The following ATP6V1C2 variants were observed in gnomAD, a reference collection of about 807,000 sequenced individuals.
ATP6V1C2 encodes the protein ATPase H+ transporting V1 subunit C2.
In ATP6V1C2, 45 loss-of-function variants were observed where a neutral mutation model predicts 56.8. The ratio of observed to expected loss-of-function variants is 0.79; its 90% CI spans 0.62 to 1.02. ATP6V1C2 has a LOEUF of 1.02. Ranked by LOEUF, ATP6V1C2 falls within the 50% of genes least tolerant of loss-of-function variation. ATP6V1C2 has a pLI of 0.00. For missense variants in ATP6V1C2, 463 were observed against 519.7 expected (o/e 0.89, Z 1.06); for synonymous variants, 220 against 201.3 (o/e 1.09, Z -0.79).
At position 10,722,824 on chromosome 2, in the gene ATP6V1C2, T is replaced by G; in HGVS notation, c.-26T>G. ...GTATGTTTGTCCTGGTTCTGGGCAG[T>G]CACTGGGTAAGAGAAGACTGGAAGC... On this transcript the variant is annotated splice_region_variant and 5_prime_UTR_variant, in exon 2 of 14. Coordinates refer to ENST00000272238, the MANE Select transcript of ATP6V1C2 (RefSeq NM_001039362.2). 6.2e-7 allele frequency: 1 copy of G among 1,613,292 alleles called. No homozygotes were observed. Among genetic ancestry groups the G allele is most frequent in the Non-Finnish European group, 8.5e-7 (1 of 1,179,626 alleles).
rs750948365 is a variant in ATP6V1C2 at position 10,784,988 on chromosome 2, G to A, written c.*1725G>A. The A allele has an allele frequency of 9.4e-6, 15 of 1,588,958 alleles. No individual in the cohort carries two copies. Among genetic ancestry groups the A allele is most frequent in the African/African-American group, 1.3e-5 (1 of 74,396 alleles). On this transcript the variant is annotated 3_prime_UTR_variant, in exon 14 of 14. Coordinates refer to ENST00000272238, the MANE Select transcript of ATP6V1C2 (RefSeq NM_001039362.2). ...TCTCAACGATGGTAGGGAAAGCCCC[G>A]CCTCCTACAGGTGCCGTGGAGCCAC...
chr2:10,784,826 C>T lies in ATP6V1C2; in HGVS notation c.*1563C>T, dbSNP rs1665627592. 1 of 775,400 alleles carries T rather than the reference C, an allele frequency of 1.3e-6. No homozygotes were observed. The highest frequency in any genetic ancestry group is 2.5e-5 in the Admixed American group (1 of 40,760). The allele number at this position is 775,400 out of a possible 1,614,324, so 48.0% of individuals were successfully genotyped here. ...CCTCTTAAAAGGCCCACGGGTGCAC[C>T]AGGGCTGAGGTCTGATGGGAAGGAC... On this transcript the variant is annotated 3_prime_UTR_variant, in exon 14 of 14. Coordinates refer to ENST00000272238, the MANE Select transcript of ATP6V1C2 (RefSeq NM_001039362.2).
chr2:10,776,112 C>T (rs981377844), intron 10 of ATP6V1C2, among the ~76,000 whole-genome samples: 2 of 134,680 alleles, frequency 1.5e-5, no homozygotes, highest in Admixed American at 7.9e-5. Context: ...CCGTCACAAG[C>T]GAGCCCAGCC....
chr2:10,782,910 G>T (rs1483200494), intron 13 of ATP6V1C2, among the ~76,000 whole-genome samples: 2 of 150,494 alleles, frequency 1.3e-5, no homozygotes, highest in African/African-American at 4.9e-5. Context: ...CTACTTGGGA[G>T]TCTGAGGCAG....
chr2:10,768,426 G>A (rs376923669), intron 5 of ATP6V1C2, among the ~76,000 whole-genome samples: 1 of 152,234 alleles, frequency 6.6e-6, no homozygotes, highest in East Asian at 1.9e-4. Flanking sequence ...CTCCAGCAGA[G>A]CCTGAGAGGG....
chr2:10,769,702 A>C (rs148104186), intron 6 of ATP6V1C2, among the ~76,000 whole-genome samples: 2 of 151,770 alleles, frequency 1.3e-5, no homozygotes, highest in Non-Finnish European at 2.9e-5. Flanking sequence ...CTCTGCCTCA[A>C]AAACAAACAA....
chr2:10,749,920 A>T (rs1347606202), intron 3 of ATP6V1C2, among the ~76,000 whole-genome samples: 1 of 152,212 alleles, frequency 6.6e-6, no homozygotes, highest in East Asian at 1.9e-4. Flanking sequence ...CAGTACAGTA[A>T]ATGAAAGGAA....
rs978074184 is a variant in ATP6V1C2, at chr2:10,775,214, T to C, written c.825+143T>C. The C allele has an allele frequency of 8.8e-6, 6 of 680,606 alleles. No individual in the cohort carries two copies. In the African/African-American group the frequency reaches 1.1e-4, roughly 12 times the overall value. 42.2% of individuals were successfully genotyped at this position (680,606 alleles called of 1,614,324 possible). ...ACACCATGGGGACCGTCTGTTCTCA[T>C]GGGACGCCTGAGCAGGGTCTGGGGG... On this transcript the variant is annotated intron_variant, in intron 10 of 13. Coordinates refer to ENST00000272238, the MANE Select transcript of ATP6V1C2 (RefSeq NM_001039362.2).
At chr2:10,729,170 A>G in intron 3 of ATP6V1C2, among the ~76,000 whole-genome samples, 1 of 138,028 alleles carries the variant, frequency 7.2e-6, no homozygotes, top group African/African-American at 3.1e-5. Context: ...ATCATTGGAA[A>G]ACTTTTTTTT....
chr2:10,758,712 G>T (rs57017343), intron 4 of ATP6V1C2, among the ~76,000 whole-genome samples: 29,436 of 151,550 alleles, frequency 0.19, 3,063 homozygotes, highest in East Asian at 0.36. Context: ...CGCCAGGCTG[G>T]AATGCAGTGG....
intron 3 of ATP6V1C2, among the ~76,000 whole-genome samples, chr2:10,727,383 T>G (rs1183687789): frequency 3.5e-5 from 5 of 143,012 alleles, no homozygotes. Flanking sequence ...AAGACCTTGT[T>G]TCTAAGAAAA....
intron 5 of ATP6V1C2, among the ~76,000 whole-genome samples, chr2:10,767,159 CTTTTTTTT>C (rs33943682): frequency 9.1e-6 from 1 of 109,330 alleles, no homozygotes; most frequent in Non-Finnish European, 1.7e-5. Context: ...CATTTTTTAT[CTTTTTTTT>C]TTTTTTTTTT....
At chr2:10,726,361 G>GT in intron 2 of ATP6V1C2, 141 bp from the exon 3 acceptor site, 1 of 695,470 alleles carries the variant, frequency 1.4e-6, no homozygotes, top group Non-Finnish European at 2.6e-6. Context: ...TCCATTAAGA[G>GT]TTTTTTCTAC....
At chr2:10,742,670 C>G (rs1442768288) in intron 3 of ATP6V1C2, among the ~76,000 whole-genome samples, 1 of 152,132 alleles carries the variant, frequency 6.6e-6, no homozygotes, top group Non-Finnish European at 1.5e-5. Flanking sequence ...TCAGGAGCCC[C>G]CCTCACCGTT....
At chr2:10,731,105 T>C (rs1333702326) in intron 3 of ATP6V1C2, among the ~76,000 whole-genome samples, 2 of 152,086 alleles carry the variant, frequency 1.3e-5, no homozygotes, top group Non-Finnish European at 2.9e-5. Context: ...GTGCACACCA[T>C]GCCCAGCTAA....
intron 13 of ATP6V1C2, 145 bp downstream of exon 13, chr2:10,782,520 T>C: frequency 1.1e-6 from 1 of 935,184 alleles, no homozygotes; most frequent in East Asian, 2.7e-5. Flanking sequence ...GCCAACATGG[T>C]AAGACCCTGT....
At chr2:10,723,773 A>G (rs1490878483) in intron 2 of ATP6V1C2, among the ~76,000 whole-genome samples, 3 of 146,132 alleles carry the variant, frequency 2.1e-5, no homozygotes, top group African/African-American at 7.6e-5. Context: ...CGGGAGGTGG[A>G]GCTTGCAGTG....
At chr2:10,768,835 C>G in intron 6 of ATP6V1C2, 25 bp downstream of exon 6, 1 of 1,599,456 alleles carries the variant, frequency 6.3e-7, no homozygotes, top group South Asian at 1.1e-5. Context: ...GCCTCCACAT[C>G]TGGCGGGGGC....
intron 4 of ATP6V1C2, among the ~76,000 whole-genome samples, chr2:10,762,536 G>A (rs895960109): frequency 2.0e-5 from 3 of 152,110 alleles, no homozygotes; most frequent in Admixed American, 6.6e-5. Flanking sequence ...CACCGTCGTC[G>A]TCCTGTTATC....
Sources: allele counts gnomAD v4.1 joint callset (sites outside exome capture counted in the v4.1 genomes callset), GRCh38; gene constraint gnomAD v4.1.1; transcripts MANE v1.5; gene names NCBI Gene and HGNC (gene_info 2026-07-23, HGNC 2026-07-21).